CASKIN1: variants seen among roughly 807,000 people sequenced by gnomAD.
The protein encoded by CASKIN1 is caskin-1.
Under a neutral mutation model 117.5 loss-of-function variants are expected in CASKIN1, and 42 were observed. That is an observed-to-expected ratio of 0.36 (90% confidence interval 0.28 to 0.46). The LOEUF (loss-of-function observed/expected upper bound fraction) is 0.46, where lower values mean the gene tolerates loss of function less well. Among genes scored for constraint, CASKIN1 ranks in the 20% least tolerant of loss-of-function variants. The pLI is 1.00. For missense variants in CASKIN1, 2,083 were observed against 2,077.3 expected, an observed-to-expected ratio of 1.00 and a Z score of -0.05; for synonymous variants, 1,148 against 961.7, an observed-to-expected ratio of 1.19 and a Z score of -3.59.
At position 2,189,558 on chromosome 16, in the gene CASKIN1, C is replaced by T. The variant is rs1297568528; in HGVS notation, c.251G>A (p.Arg84Gln). ...CTGCCAGGCCGCATAGTGCAGCGGC[C>T]GCATGCCTGGGGGGCGAGGGGATGC... is the stretch of plus-strand genomic sequence containing the variant. ...AVDIKDNKGM[R>Q]PLHYAAWQGR... The change falls in exon 4 of 20, where the codon CGG becomes CAG. Residue 84 changes from arginine to glutamine, a missense_variant. Physicochemically the swap from Arg to Gln is conservative, Grantham distance 43. Coordinates refer to ENST00000343516, the MANE Select transcript of CASKIN1 (RefSeq NM_020764.4). 1.9e-6 allele frequency: 3 copies of T among 1,603,422 alleles called. No individual in the cohort carries two copies. Among genetic ancestry groups the T allele is most frequent in the Admixed American group, 3.4e-5 (2 of 59,198 alleles).
rs1305576051 is a variant in CASKIN1, at chr16:2,177,952, C to T, written c.*598G>A. 7 of 364,484 alleles carry T rather than the reference C, an allele frequency of 1.9e-5. No homozygotes were observed. The highest frequency in any genetic ancestry group is 3.6e-5 in the Non-Finnish European group (7 of 194,040). The allele number at this position is 364,484 out of a possible 1,614,324, so 22.6% of individuals were successfully genotyped here. ...AAGGACCGCAGGCAGACAGCCTGGG[C>T]CTCTAACAGCTTTTGTCCGGAGCTA... On this transcript the variant is annotated 3_prime_UTR_variant, in exon 20 of 20. Coordinates refer to ENST00000343516, the MANE Select transcript of CASKIN1 (RefSeq NM_020764.4).
In CASKIN1 at chr16:2,182,947, C is replaced by T. The variant is rs1302720840; in HGVS notation, c.1629+699G>A. On this transcript the variant is annotated intron_variant, in intron 16 of 19. Coordinates refer to ENST00000343516, the MANE Select transcript of CASKIN1 (RefSeq NM_020764.4). This position sits in a 1 kb window ranked among gnomAD's most constrained non-coding sequence, Gnocchi z 4.1. ...CTGGGACTATAGGCACCCGCCACCA[C>T]GCCTGGCCAATTTTTGGTTTTAGTA... Among the ~76,000 whole-genome samples, 11 of 152,356 alleles carry T rather than the reference C, an allele frequency of 7.2e-5. No individual in the cohort carries two copies. The highest frequency in any genetic ancestry group is 6.2e-4 in the South Asian group (3 of 4,832).
chr16:2,192,745 A>T (rs912536803), intron 1 of CASKIN1, among the ~76,000 whole-genome samples: 18 of 152,044 alleles, frequency 1.2e-4, no homozygotes, highest in Non-Finnish European at 2.4e-4. Context: ...CAGCCACGTC[A>T]ACCTCCTTCT....
intron 14 of CASKIN1, among the ~76,000 whole-genome samples, chr16:2,184,254 C>T (rs1165163522): frequency 6.6e-6 from 1 of 152,150 alleles, no homozygotes; most frequent in Non-Finnish European, 1.5e-5. Context: ...ACCAGGGACG[C>T]CCCACGCCAT....
intron 13 of CASKIN1, 32 bp downstream of exon 13, chr16:2,184,919 A>T: frequency 6.3e-7 from 1 of 1,582,632 alleles, no homozygotes; most frequent in Non-Finnish European, 8.6e-7. Context: ...GCTTTCCTCC[A>T]TCGGGCTGCG....
rs1162035095 is a variant in CASKIN1 at position 2,183,639 on chromosome 16, G to T, written c.1629+7C>A. On this transcript the variant is annotated splice_region_variant and intron_variant, in intron 16 of 19. Coordinates refer to ENST00000343516, the MANE Select transcript of CASKIN1 (RefSeq NM_020764.4). ...GGGCCCAGCCCCTGGGATGCAGGTGGCCTTACGGGTTTGTGCTCAGGCAGC... is the reference window on the plus strand; with the variant it reads ...GGGCCCAGCCCCTGGGATGCAGGTGTCCTTACGGGTTTGTGCTCAGGCAGC... The T allele has an allele frequency of 7.4e-6, 12 of 1,612,560 alleles. No individual in the cohort carries two copies. In the East Asian group the frequency reaches 2.7e-4, roughly 36 times the overall value.
chr16:2,196,520 C>A lies in CASKIN1; in HGVS notation c.-88G>T, dbSNP rs1464588822. ...GGCGGCCCCGCGGCACCGGCCGCCT[C>A]CCCCGCCGCCTCCCCCGCCGCCTCC... On this transcript the variant is annotated 5_prime_UTR_variant, in exon 1 of 20. Coordinates refer to ENST00000343516, the MANE Select transcript of CASKIN1 (RefSeq NM_020764.4). This position sits in a 1 kb window ranked among gnomAD's most constrained non-coding sequence, Gnocchi z 5.7. The A allele has an allele frequency of 5.0e-5, 24 of 475,578 alleles. No individual in the cohort carries two copies. Among genetic ancestry groups the A allele is most frequent in the Admixed American group, 6.7e-5 (1 of 14,870 alleles). 29.5% of individuals were successfully genotyped at this position (475,578 alleles called of 1,614,324 possible).
chr16:2,184,063 A>G (rs2093176404), intron 14 of CASKIN1, 122 bp from the exon 15 acceptor site: 5 of 635,402 alleles, frequency 7.9e-6, no homozygotes, highest in Non-Finnish European at 1.3e-5. Context: ...CCGCTGCTCC[A>G]TCTGCAGCAG....
chr16:2,195,005 C>T (rs1270879629), intron 1 of CASKIN1, among the ~76,000 whole-genome samples: 1 of 152,234 alleles, frequency 6.6e-6, no homozygotes, highest in African/African-American at 2.4e-5. Context: ...GTCCACTGAG[C>T]TGGAGTTGTC....
At chr16:2,187,868 A>G (rs2093189516) in intron 6 of CASKIN1, among the ~76,000 whole-genome samples, 1 of 151,864 alleles carries the variant, frequency 6.6e-6, no homozygotes, top group African/African-American at 2.4e-5. Context: ...CTGGGAGTAC[A>G]GGCGTGCGCC....
In CASKIN1 at chr16:2,184,943, G is replaced by C; in HGVS notation, c.1324+8C>G. On this transcript the variant is annotated splice_region_variant and intron_variant, in intron 13 of 19. Coordinates refer to ENST00000343516, the MANE Select transcript of CASKIN1 (RefSeq NM_020764.4). ...CATCGGGCTGCGTGGCAGCACCCTT[G>C]CTCTTACCTGCAGAGCCTTCCGGAG... is the stretch of plus-strand genomic sequence containing the variant. 6.3e-7 allele frequency: 1 copy of C among 1,596,910 alleles called. No homozygotes were observed. Among genetic ancestry groups the C allele is most frequent in the Non-Finnish European group, 8.6e-7 (1 of 1,168,356 alleles).
In CASKIN1 at chr16:2,177,423, A is replaced by AT. The variant is rs1013978083; in HGVS notation, c.*1126dup. ...ATCGCTGGTTTTCGGCATTTTTTAA[A>AT]TTTTTTTTTTAAGAAACGTCAAAGT... is the stretch of plus-strand genomic sequence containing the variant. On this transcript the variant is annotated 3_prime_UTR_variant, in exon 20 of 20. Transcript: ENST00000343516. 1.3e-3 allele frequency: 296 copies of AT among 223,514 alleles called. No homozygotes were observed. The highest frequency in any genetic ancestry group is 2.1e-3 in the East Asian group (32 of 15,578). The allele number at this position is 223,514 out of a possible 1,614,324, so 13.8% of individuals were successfully genotyped here.
intron 14 of CASKIN1, 81 bp downstream of exon 14, chr16:2,184,696 G>A (rs1303069114): frequency 2.4e-6 from 3 of 1,247,302 alleles, no homozygotes; most frequent in East Asian, 2.8e-5. Context: ...AGGCCAGGCA[G>A]GCCGTGTAAG....
chr16:2,190,950 G>A (rs1478616662), intron 1 of CASKIN1, among the ~76,000 whole-genome samples: 1 of 152,184 alleles, frequency 6.6e-6, no homozygotes, highest in Non-Finnish European at 1.5e-5. Context: ...TCACGCGAAC[G>A]GCTGCCTGCT....
intron 10 of CASKIN1, among the ~76,000 whole-genome samples, chr16:2,185,771 C>T (rs1192981131): frequency 6.6e-6 from 1 of 152,232 alleles, no homozygotes; most frequent in Non-Finnish European, 1.5e-5. Flanking sequence ...CGGGGGCTGG[C>T]CCTGCCTGTC....
In CASKIN1 at chr16:2,189,243, C is replaced by A; in HGVS notation, c.481G>T (p.Val161Phe). 1 of 1,613,284 alleles carries A rather than the reference C, an allele frequency of 6.2e-7. No homozygotes were observed. Residue 161 changes from valine (V) to phenylalanine (F), a missense_variant, in exon 5 of 20, where the codon GTT (valine) becomes TTT (phenylalanine). Val to Phe is a conservative substitution (Grantham distance 50). This residue lies in a region of CASKIN1 where 203 missense variants were observed against 338.7 expected (regional missense o/e 0.60). Transcript: ENST00000343516. ...GGGCTCCACAGGAGACTCACCCCAACGCGGCCGAACTCGCAGGCCAGGTCC... is the reference window on the plus strand; with the variant it reads ...GGGCTCCACAGGAGACTCACCCCAAAGCGGCCGAACTCGCAGGCCAGGTCC... ...PLDLACEFGRVGVVQLLLSSN... is the reference protein window; with the variant it reads ...PLDLACEFGRFGVVQLLLSSN...
Position 2,180,269 on chromosome 16 carries a change from G to T in CASKIN1, c.3099C>A (p.Ala1033=). The change falls in exon 18 of 20, where the codon GCC becomes GCA. Residue 1033 remains alanine (A), a synonymous_variant. Coordinates refer to ENST00000343516, the MANE Select transcript of CASKIN1 (RefSeq NM_020764.4). ...TGGCCACCCGGCCCGGCTCTGGGCT[G>T]GCAGGGCGGGGAGTGGGGTGGCCCT... ...PPEGHPTPRP[A]SPEPGRVATV... 1 of 1,561,786 alleles carries T rather than the reference G, an allele frequency of 6.4e-7. No individual in the cohort carries two copies. The highest frequency in any genetic ancestry group is 8.7e-7 in the Non-Finnish European group (1 of 1,155,480).
Position 2,178,651 on chromosome 16 carries a change from G to T in CASKIN1, c.4200-5C>A. ...CTCTTTTCCGCCGCCGAGTCGCTGCGGGGCGCGGGGCAAGGGGCGTGAGTG... is the reference window on the plus strand; with the variant it reads ...CTCTTTTCCGCCGCCGAGTCGCTGCTGGGCGCGGGGCAAGGGGCGTGAGTG... On this transcript the variant is annotated splice_region_variant and splice_polypyrimidine_tract_variant and intron_variant, in intron 19 of 19. Coordinates refer to ENST00000343516, the MANE Select transcript of CASKIN1 (RefSeq NM_020764.4). 6.3e-7 allele frequency: 1 copy of T among 1,584,852 alleles called. No individual in the cohort carries two copies.
In CASKIN1 at chr16:2,181,220, C is replaced by T. The variant is rs1275791156; in HGVS notation, c.2148G>A (p.Gly716=). ...GGCTTCGAGACATGGGGCTGCTGGG[C>T]CCAGGGGGCCCATCTCCCAGCAGCT... is the stretch of plus-strand genomic sequence containing the variant. The part of the protein sequence containing the change: ...SQELLGDGPP[G]PSSPMSRSQE... Residue 716 remains glycine, a synonymous_variant, in exon 18 of 20, where the codon GGG becomes GGA. Transcript: ENST00000343516. 1.9e-6 allele frequency: 3 copies of T among 1,589,918 alleles called. No homozygotes were observed. Among genetic ancestry groups the T allele is most frequent in the Admixed American group, 1.8e-5 (1 of 57,030 alleles).
Sources: gnomAD v4.1 joint callset for allele counts (sites outside exome capture counted in the v4.1 genomes callset) on GRCh38, gnomAD v4.1.1 for gene constraint, gnomAD v4.1.1 regional missense constraint, Gnocchi (gnomAD v3.1) non-coding constraint, MANE v1.5 for transcripts, NCBI Gene and HGNC (gene_info 2026-07-23, HGNC 2026-07-21) for gene names.